Variants in PHYHIP observed in about 807,000 individuals in gnomAD.
The protein encoded by PHYHIP is phytanoyl-CoA hydroxylase-interacting protein.
A neutral mutation model predicts 26.1 loss-of-function variants in PHYHIP; 7 were observed. The observed-to-expected ratio is 0.27, with a 90% CI of 0.15 to 0.50. The LOEUF (loss-of-function observed/expected upper bound fraction) is 0.50, where lower values mean the gene tolerates loss of function less well. PHYHIP is among the 20% of genes least tolerant of loss of function. PHYHIP has a pLI of 0.98. For synonymous variants in PHYHIP, 206 were observed against 183.4 expected, an observed-to-expected ratio of 1.12 and a Z score of -1.00; for missense variants, 232 against 454.7, an observed-to-expected ratio of 0.51 and a Z score of 4.45.
intron 2 of PHYHIP, among the ~76,000 whole-genome samples, chr8:22,227,480 G>T (rs74723594): frequency 6.6e-6 from 1 of 152,150 alleles, no homozygotes; most frequent in African/African-American, 2.4e-5. Flanking sequence ...CACCCAGATC[G>T]GGAGAGCCGG....
chr8:22,223,359 T>G (rs1829672058), intron 4 of PHYHIP, among the ~76,000 whole-genome samples: 2 of 97,224 alleles, frequency 2.1e-5, no homozygotes, highest in Non-Finnish European at 1.9e-5. Context: ...AGACGCCATC[T>G]CAAAAAAAAA....
intron 3 of PHYHIP, 82 bp from the exon 4 acceptor site, chr8:22,224,425 T>G (rs1171919083): frequency 5.0e-6 from 4 of 797,198 alleles, no homozygotes; most frequent in Admixed American, 1.8e-5. Flanking sequence ...CACCCCACAC[T>G]GTGTGTGCCG....
Position 22,221,215 on chromosome 8 carries a change from C to T in PHYHIP, c.*138G>A. ...GACCACCGTCTGTTGCCTCCAATGC[C>T]AAGGGGCGAGGGGAGGGCAGCTGGG... On this transcript the variant is annotated 3_prime_UTR_variant, in exon 5 of 5. Coordinates refer to ENST00000454243, the MANE Select transcript of PHYHIP (RefSeq NM_014759.5). This position sits in a 1 kb window ranked among gnomAD's most constrained non-coding sequence, Gnocchi z 7.9. 1.2e-6 allele frequency: 1 copy of T among 816,734 alleles called. No individual in the cohort carries two copies. Among genetic ancestry groups the T allele is most frequent in the East Asian group, 2.7e-5 (1 of 37,188 alleles). The allele number at this position is 816,734 out of a possible 1,614,324, so 50.6% of individuals were successfully genotyped here.
chr8:22,229,121 G>A (rs188930431), intron 1 of PHYHIP, among the ~76,000 whole-genome samples: 268 of 152,198 alleles, frequency 1.8e-3, no homozygotes, highest in Non-Finnish European at 2.9e-3. Flanking sequence ...TTTCACAGAC[G>A]TCTCATGCAA....
Position 22,224,228 on chromosome 8 carries a change from G to C in PHYHIP, c.456C>G (p.Ala152=), listed in dbSNP as rs1326139693. 5 of 1,587,314 alleles carry C rather than the reference G, an allele frequency of 3.1e-6. No homozygotes were observed. Among genetic ancestry groups the C allele is most frequent in the African/African-American group, 1.3e-5 (1 of 74,392 alleles). ...CAGCCGGGAGCCCGCGCCCATACCT[G>C]GCATGCTGGAAGTACTCCTTGTGAT... ...RNHHKEYFQH[A]RTHCGNMLQP... Residue 152 remains alanine, a splice_region_variant and synonymous_variant, in exon 4 of 5, where the codon GCC becomes GCG. Coordinates refer to ENST00000454243, the MANE Select transcript of PHYHIP (RefSeq NM_014759.5).
At chr8:22,227,706 G>C (rs1318944190) in intron 2 of PHYHIP, 1 of 456,748 alleles carries the variant, frequency 2.2e-6, no homozygotes, top group Non-Finnish European at 4.4e-6. Context: ...GCCAGCAGGT[G>C]AGGGGCCCGA....
At chr8:22,223,042 G>A (rs1406571782) in intron 4 of PHYHIP, among the ~76,000 whole-genome samples, 1 of 151,980 alleles carries the variant, frequency 6.6e-6, no homozygotes, top group Non-Finnish European at 1.5e-5. Flanking sequence ...CTGCCCTGAG[G>A]TTAAAACTGC....
chr8:22,221,993 G>C lies in PHYHIP; in HGVS notation c.459-106C>G, dbSNP rs1829640564. 1 of 962,978 alleles carries C rather than the reference G, an allele frequency of 1.0e-6. No homozygotes were observed. Among genetic ancestry groups the C allele is most frequent in the South Asian group, 1.7e-5 (1 of 57,418 alleles). The allele number at this position is 962,978 out of a possible 1,614,324, so 59.7% of individuals were successfully genotyped here. A position where few individuals can be genotyped will look rare whatever the true frequency, so the allele number is the denominator to read the frequency against. On this transcript the variant is annotated intron_variant, in intron 4 of 4. Transcript: ENST00000454243. The surrounding 1 kb of genome is among the most constrained non-coding windows in gnomAD (Gnocchi z 7.9). ...GTCGAGGAGGGAGGAAGCCAGCCCA[G>C]CTCCCAGCCCTCCCCCAGCCGCCTC...
intron 1 of PHYHIP, among the ~76,000 whole-genome samples, chr8:22,230,426 G>A (rs919739933): frequency 6.6e-6 from 1 of 152,136 alleles, no homozygotes; most frequent in African/African-American, 2.4e-5. Flanking sequence ...CTACGGTTCT[G>A]GGAAAGCTGA....
At chr8:22,222,417 G>C (rs555979469) in intron 4 of PHYHIP, among the ~76,000 whole-genome samples, 4 of 152,168 alleles carry the variant, frequency 2.6e-5, no homozygotes, top group African/African-American at 9.7e-5. Context: ...ACCTGCACTT[G>C]ACAAATTTTT....
chr8:22,220,585 C>T lies in PHYHIP; in HGVS notation c.*768G>A, dbSNP rs1161823389. ...TCCTCCCCCTCCTCAACCCCAGTGGCTGCTGTCTCAGACCCCTGCACTCTA... is the reference window on the plus strand; with the variant it reads ...TCCTCCCCCTCCTCAACCCCAGTGGTTGCTGTCTCAGACCCCTGCACTCTA... On this transcript the variant is annotated 3_prime_UTR_variant, in exon 5 of 5. Coordinates refer to ENST00000454243, the MANE Select transcript of PHYHIP (RefSeq NM_014759.5). 6.6e-6 allele frequency: 1 copy of T among 152,464 alleles called. No homozygotes were observed. The highest frequency in any genetic ancestry group is 1.9e-4 in the East Asian group (1 of 5,190). The allele number at this position is 152,464 out of a possible 1,614,324, so 9.4% of individuals were successfully genotyped here. A position where few individuals can be genotyped will look rare whatever the true frequency, so the allele number is the denominator to read the frequency against.
intron 2 of PHYHIP, chr8:22,227,593 G>A (rs1829775724): frequency 4.4e-6 from 2 of 456,236 alleles, no homozygotes; most frequent in Non-Finnish European, 8.8e-6. Flanking sequence ...GAGAGGATGG[G>A]GGTCTTCCTC....
chr8:22,228,494 C>T lies in PHYHIP; in HGVS notation c.-29-108G>A, dbSNP rs977141713. The T allele has an allele frequency of 2.5e-5, 16 of 634,314 alleles. No individual in the cohort carries two copies. The African/African-American group carries it at 2.7e-4, about 11-fold the overall frequency. The allele number at this position is 634,314 out of a possible 1,614,324, so 39.3% of individuals were successfully genotyped here. A position where few individuals can be genotyped will look rare whatever the true frequency, so the allele number is the denominator to read the frequency against. On this transcript the variant is annotated intron_variant, in intron 1 of 4. Coordinates refer to ENST00000454243, the MANE Select transcript of PHYHIP (RefSeq NM_014759.5). ...GCGGAACCTCAAGGACCCCTGGAAT[C>T]CACATGCCTCATGAACCAGATGGGA...
At position 22,228,366 on chromosome 8, in the gene PHYHIP, C is replaced by A; in HGVS notation, c.-9G>T. The stretch of plus-strand genomic sequence containing the variant: ...GTGGACAGCAGCTCCATGCTCCCGT[C>A]AGGGTTGTCTCCTGTGGGGACTGAG... On this transcript the variant is annotated 5_prime_UTR_variant, in exon 2 of 5. Coordinates refer to ENST00000454243, the MANE Select transcript of PHYHIP (RefSeq NM_014759.5). The A allele has an allele frequency of 6.3e-7, 1 of 1,579,498 alleles. No individual in the cohort carries two copies. Among genetic ancestry groups the A allele is most frequent in the South Asian group, 1.1e-5 (1 of 86,992 alleles).
chr8:22,226,269 A>C (rs1194188656), intron 3 of PHYHIP, among the ~76,000 whole-genome samples: 1 of 152,222 alleles, frequency 6.6e-6, no homozygotes, highest in African/African-American at 2.4e-5. Context: ...AAAAGGAAGG[A>C]AATTTTGGTA....
intron 2 of PHYHIP, 146 bp downstream of exon 2, chr8:22,228,047 A>T: frequency 1.5e-6 from 1 of 685,270 alleles, no homozygotes; most frequent in East Asian, 2.6e-5. Context: ...CAGAGAGGTC[A>T]AGTAACTTTC....
At chr8:22,230,645 C>T (rs575381946) in intron 1 of PHYHIP, among the ~76,000 whole-genome samples, 12 of 152,220 alleles carry the variant, frequency 7.9e-5, no homozygotes, top group African/African-American at 1.7e-4. Flanking sequence ...CAGGCAGGCA[C>T]GCACGCGCAT....
At chr8:22,224,870 G>C (rs1207907931) in intron 3 of PHYHIP, among the ~76,000 whole-genome samples, 1 of 152,216 alleles carries the variant, frequency 6.6e-6, no homozygotes, top group East Asian at 1.9e-4. Context: ...CCTGGGTCTG[G>C]AGCAATGGCT....
rs118121294 is a variant in PHYHIP at position 22,230,855 on chromosome 8, G to A, written c.-30+941C>T. Among the ~76,000 whole-genome samples, 1,479 of 151,852 alleles carry A rather than the reference G, an allele frequency of 9.7e-3. 28 individuals are homozygous for A. The highest frequency in any genetic ancestry group is 0.056 in the East Asian group (285 of 5,120). ...TGTCCACAGGCTCACGCACACACAC[G>A]TCCACGCACACCGCCTCACAAGCCA... On this transcript the variant is annotated intron_variant, in intron 1 of 4. Transcript: ENST00000454243.
Sources: gnomAD v4.1 joint callset for allele counts (sites outside exome capture counted in the v4.1 genomes callset) on GRCh38, gnomAD v4.1.1 for gene constraint, Gnocchi (gnomAD v3.1) non-coding constraint, MANE v1.5 for transcripts, NCBI Gene and HGNC (gene_info 2026-07-23, HGNC 2026-07-21) for gene names.